The following ETV5 variants were observed in gnomAD, a reference collection of about 807,000 sequenced individuals.
The protein encoded by ETV5 is ETS variant transcription factor 5, also known as ETS translocation variant 5.
A neutral mutation model predicts 70.0 loss-of-function variants in ETV5; 10 were observed. The ratio of observed to expected loss-of-function variants is 0.14; its 90% CI spans 0.09 to 0.24. The LOEUF is 0.24. ETV5 is among the 10% of genes least tolerant of loss of function. The pLI is 1.00. For missense variants in ETV5, 453 were observed against 651.2 expected (o/e 0.70, Z 3.31); for synonymous variants, 216 against 242.2 (o/e 0.89, Z 1.01).
intron 12 of ETV5, 146 bp downstream of exon 12, chr3:186,051,884 G>T: frequency 1.5e-6 from 1 of 649,322 alleles, no homozygotes. Context: ...TCTCAAGTTT[G>T]TCTTCTCAAG....
At chr3:186,086,756 A>G (rs1714066882) in intron 5 of ETV5, among the ~76,000 whole-genome samples, 1 of 151,092 alleles carries the variant, frequency 6.6e-6, no homozygotes, top group Admixed American at 6.6e-5. Context: ...CAGGAGTTTG[A>G]GCCCAGCCTG....
At chr3:186,066,133 A>G in intron 7 of ETV5, 61 bp from the exon 8 acceptor site, 2 of 1,434,198 alleles carry the variant, frequency 1.4e-6, no homozygotes, top group Non-Finnish European at 1.9e-6. Context: ...ACTATGATTG[A>G]GCACTGGGGA....
chr3:186,064,543 C>A lies in ETV5; in HGVS notation c.911-67G>T. ...TCTGCAGCAGAAACAGCACATCGGT[C>A]AACTGCAGCTCTGTGGTAAAGCCCC... On this transcript the variant is annotated intron_variant, in intron 8 of 12. Transcript: ENST00000306376. 3 of 1,471,352 alleles carry A rather than the reference C, an allele frequency of 2.0e-6. No homozygotes were observed. The South Asian group carries it at 3.4e-5, about 17-fold the overall frequency. 91.1% of individuals were successfully genotyped at this position (1,471,352 alleles called of 1,614,324 possible). A position where few individuals can be genotyped will look rare whatever the true frequency, so the allele number is the denominator to read the frequency against.
chr3:186,062,836 T>C (rs1416420169), intron 9 of ETV5, among the ~76,000 whole-genome samples: 1 of 152,206 alleles, frequency 6.6e-6, no homozygotes, highest in Non-Finnish European at 1.5e-5. Flanking sequence ...ACAGCAAAGA[T>C]TGAAAGACTA....
At position 186,047,688 on chromosome 3, in the gene ETV5, A is replaced by G; in HGVS notation, c.*951T>C. The G allele has an allele frequency of 4.3e-6, 1 of 233,450 alleles. No homozygotes were observed. Among genetic ancestry groups the G allele is most frequent in the Non-Finnish European group, 8.5e-6 (1 of 117,874 alleles). 14.5% of individuals were successfully genotyped at this position (233,450 alleles called of 1,614,324 possible). On this transcript the variant is annotated 3_prime_UTR_variant, in exon 13 of 13. Coordinates refer to ENST00000306376, the MANE Select transcript of ETV5 (RefSeq NM_004454.3). ...AACAAGGCGGGCTTTCACATGGCCA[A>G]GGGGAAGCCTCAGCAAAGCCCCTCT...
chr3:186,105,557 G>A lies in ETV5; in HGVS notation c.134-61C>T. On this transcript the variant is annotated intron_variant, in intron 3 of 12. Coordinates refer to ENST00000306376, the MANE Select transcript of ETV5 (RefSeq NM_004454.3). The surrounding 1 kb of genome is among the most constrained non-coding windows in gnomAD (Gnocchi z 4.5). ...TTTCTTTCGCTAGGGAGAAGACAGGGAAGAATCTACACGCTACTGTCACTG... is the reference window on the plus strand; with the variant it reads ...TTTCTTTCGCTAGGGAGAAGACAGGAAAGAATCTACACGCTACTGTCACTG... 6.2e-7 allele frequency: 1 copy of A among 1,611,628 alleles called. No individual in the cohort carries two copies. The highest frequency in any genetic ancestry group is 8.5e-7 in the Non-Finnish European group (1 of 1,177,870).
At position 186,106,998 on chromosome 3, in the gene ETV5, T is replaced by C. The variant is rs918690353; in HGVS notation, c.-74-1056A>G. 5 of 973,394 alleles carry C rather than the reference T, an allele frequency of 5.1e-6. No homozygotes were observed. In the South Asian group the frequency reaches 2.4e-4, roughly 46 times the overall value. 60.3% of individuals were successfully genotyped at this position (973,394 alleles called of 1,614,324 possible). On this transcript the variant is annotated intron_variant, in intron 1 of 12. Transcript: ENST00000306376. ...AAAGGTCAACTTCTTTTGTTTGACA[T>C]ATACACAATTTTAAACAGGAAACTT...
At chr3:186,090,650 C>T (rs1218825632) in intron 5 of ETV5, among the ~76,000 whole-genome samples, 1 of 152,174 alleles carries the variant, frequency 6.6e-6, no homozygotes, top group Non-Finnish European at 1.5e-5. Flanking sequence ...ACAACTCATT[C>T]GATTTCATCC....
chr3:186,055,386 G>A (rs1030562426), intron 11 of ETV5, among the ~76,000 whole-genome samples: 2 of 152,124 alleles, frequency 1.3e-5, no homozygotes, highest in Admixed American at 6.5e-5. Context: ...GGCATGGGTC[G>A]GCGTGGGGTG....
intron 5 of ETV5, among the ~76,000 whole-genome samples, chr3:186,093,739 T>G (rs1714241079): frequency 6.6e-6 from 1 of 152,130 alleles, no homozygotes; most frequent in Non-Finnish European, 1.5e-5. Context: ...ACCTCTTTAC[T>G]CCTTCCAGAG....
At chr3:186,056,836 A>C (rs1379455377) in intron 11 of ETV5, among the ~76,000 whole-genome samples, 1 of 152,160 alleles carries the variant, frequency 6.6e-6, no homozygotes, top group Non-Finnish European at 1.5e-5. Context: ...TGCCCCCTAA[A>C]TTTTGCAGAA....
intron 5 of ETV5, among the ~76,000 whole-genome samples, chr3:186,091,374 C>G (rs533897173): frequency 1.6e-4 from 24 of 152,298 alleles, no homozygotes; most frequent in African/African-American, 5.8e-4. Flanking sequence ...TCGGCAAGAA[C>G]CAAAGGACTG....
intron 5 of ETV5, among the ~76,000 whole-genome samples, chr3:186,083,620 G>A (rs1157450746): frequency 6.6e-6 from 1 of 152,068 alleles, no homozygotes; most frequent in African/African-American, 2.4e-5. Flanking sequence ...ACATCATTTT[G>A]GCTCTAAATT....
chr3:186,101,739 A>G (rs928659604), intron 5 of ETV5, among the ~76,000 whole-genome samples: 1 of 152,092 alleles, frequency 6.6e-6, no homozygotes, highest in African/African-American at 2.4e-5. Context: ...CTCTTACTTC[A>G]CCTAAACCTT....
chr3:186,105,690 C>T lies in ETV5; in HGVS notation c.68G>A (p.Arg23Lys). Residue 23 changes from arginine (R) to lysine (K), a missense_variant, in exon 3 of 13, where the codon AGA (arginine) becomes AAA (lysine). Transcript: ENST00000306376. The surrounding 1 kb of genome is among the most constrained non-coding windows in gnomAD (Gnocchi z 4.5). The stretch of plus-strand genomic sequence containing the variant: ...CTTTCTGTCAATCACAGGCCGCCCT[C>T]TGCATTCCTCAGATCGAGATTTCTG... ...VPGKSRSEEC[R>K]GRPVIDRKRK... 6.2e-7 allele frequency: 1 copy of T among 1,614,220 alleles called. No individual in the cohort carries two copies. The highest frequency in any genetic ancestry group is 1.1e-5 in the South Asian group (1 of 91,086).
rs1714553909 is a variant in ETV5, at chr3:186,105,022, G to A, written c.232+283C>T. The A allele has an allele frequency of 3.7e-6, 1 of 272,520 alleles. No homozygotes were observed. The highest frequency in any genetic ancestry group is 6.9e-6 in the Non-Finnish European group (1 of 145,082). 16.9% of individuals were successfully genotyped at this position (272,520 alleles called of 1,614,324 possible). Reference sequence around the variant, plus strand: ...CTCCCAAAGCCCTGGGATTATAGGTGTGAGCCACTGTGCCCAGTCAGCTTT... The same window carrying A: ...CTCCCAAAGCCCTGGGATTATAGGTATGAGCCACTGTGCCCAGTCAGCTTT... On this transcript the variant is annotated intron_variant, in intron 5 of 12. Coordinates refer to ENST00000306376, the MANE Select transcript of ETV5 (RefSeq NM_004454.3). This position sits in a 1 kb window ranked among gnomAD's most constrained non-coding sequence, Gnocchi z 4.5.
intron 12 of ETV5, among the ~76,000 whole-genome samples, chr3:186,050,850 G>A (rs547519823): frequency 5.3e-5 from 8 of 152,296 alleles, no homozygotes; most frequent in Middle Eastern, 3.4e-3. Flanking sequence ...ATGGAAAGGT[G>A]ACAGAAAACA....
At chr3:186,082,570 G>A (rs572089115) in intron 5 of ETV5, among the ~76,000 whole-genome samples, 83 of 151,904 alleles carry the variant, frequency 5.5e-4, no homozygotes, top group Non-Finnish European at 1.0e-3. Flanking sequence ...ACAGGTGCCC[G>A]CCACCATGCC....
At chr3:186,099,707 G>C (rs941580291) in intron 5 of ETV5, among the ~76,000 whole-genome samples, 2 of 152,072 alleles carry the variant, frequency 1.3e-5, no homozygotes, top group African/African-American at 4.8e-5. Flanking sequence ...CACATTTTCG[G>C]CTTCATTATG....
Sources: gnomAD v4.1 joint callset for allele counts (sites outside exome capture counted in the v4.1 genomes callset) on GRCh38, gnomAD v4.1.1 for gene constraint, Gnocchi (gnomAD v3.1) non-coding constraint, MANE v1.5 for transcripts, NCBI Gene and HGNC (gene_info 2026-07-23, HGNC 2026-07-21) for gene names.